The following NBPF11 variants were observed in gnomAD, a reference collection of about 807,000 sequenced individuals.
NBPF11 encodes NBPF member 11, also known as NBPF family member NBPF11.
NBPF11 carries 72 observed loss-of-function variants against 93.9 expected under a neutral mutation model. The ratio of observed to expected loss-of-function variants is 0.77; its 90% CI spans 0.63 to 0.93. The LOEUF is 0.93. NBPF11 is among the 40% of genes least tolerant of loss of function. The pLI is 0.00. For missense variants in NBPF11, 705 were observed against 802.2 expected (o/e 0.88, Z 1.46); for synonymous variants, 224 against 304.9 (o/e 0.73, Z 2.76).
intron 20 of NBPF11, among the ~76,000 whole-genome samples, 195 bp downstream of exon 20, chr1:148,106,747 G>A (rs1275702065): frequency 6.7e-6 from 1 of 148,634 alleles, no homozygotes; most frequent in Non-Finnish European, 1.5e-5. Flanking sequence ...ACTAGGAATA[G>A]AGCCTTGCTC....
chr1:148,145,141 A>AAG (rs1415384017), intron 1 of NBPF11, among the ~76,000 whole-genome samples: 2,552 of 144,746 alleles, frequency 0.018, 58 homozygotes, highest in African/African-American at 0.067. Flanking sequence ...AATTGCTATA[A>AAG]GGTTAATATA....
intron 23 of NBPF11, among the ~76,000 whole-genome samples, 160 bp downstream of exon 23, chr1:148,104,377 G>A: frequency 6.8e-6 from 1 of 147,096 alleles, no homozygotes; most frequent in African/African-American, 2.6e-5. Flanking sequence ...AGGAAGAAAT[G>A]GAAACCTAAA....
rs1192828120 is a variant in NBPF11, at chr1:148,138,275, C to G, written c.-276-466G>C. Among the ~76,000 whole-genome samples, 172 of 150,870 alleles carry G rather than the reference C, an allele frequency of 1.1e-3. 1 individual carries two copies. The highest frequency in any genetic ancestry group is 2.0e-3 in the Non-Finnish European group (138 of 67,842). ...TGGAATATACAATCGGGCTTTACAC[C>G]GAGACATTCCATTGCCCAGGGATGA... On this transcript the variant is annotated intron_variant, in intron 2 of 23. Coordinates refer to ENST00000682118, the MANE Select transcript of NBPF11 (RefSeq NM_001385469.3).
chr1:148,131,317 C>T (rs1397728805), intron 4 of NBPF11, among the ~76,000 whole-genome samples: 24 of 151,722 alleles, frequency 1.6e-4, no homozygotes, highest in South Asian at 8.3e-4. Context: ...ACGAGTTTTA[C>T]TGGGGGTCTG....
chr1:148,140,020 T>C (rs1671924419), intron 2 of NBPF11, among the ~76,000 whole-genome samples: 1 of 151,490 alleles, frequency 6.6e-6, no homozygotes, highest in African/African-American at 2.4e-5. Context: ...ACTACCAACT[T>C]CAGGACTTAC....
In NBPF11 at chr1:148,103,751, A is replaced by G. The variant is rs1232138419; in HGVS notation, c.*145T>C. 9.3e-6 allele frequency: 15 copies of G among 1,611,830 alleles called. No individual in the cohort carries two copies. The South Asian group carries it at 1.6e-4, about 18-fold the overall frequency. The stretch of plus-strand genomic sequence containing the variant: ...AGTAAAAAACCTATTGTCCATGTCA[A>G]GGGCAAAGCTGATGTGCTGTTCCTC... On this transcript the variant is annotated 3_prime_UTR_variant, in exon 24 of 24. Transcript: ENST00000682118.
intron 4 of NBPF11, among the ~76,000 whole-genome samples, chr1:148,134,739 G>C (rs1670987599): frequency 6.6e-6 from 1 of 151,866 alleles, no homozygotes; most frequent in African/African-American, 2.4e-5. Context: ...CATTGGGGCT[G>C]GTACAGCCTC....
At chr1:148,149,915 C>T (rs1307724198) in intron 1 of NBPF11, among the ~76,000 whole-genome samples, 1 of 151,732 alleles carries the variant, frequency 6.6e-6, no homozygotes, top group Admixed American at 6.6e-5. Flanking sequence ...TGCACCTCTA[C>T]GAGAATAACA....
chr1:148,113,270 G>C (rs1665741169), intron 15 of NBPF11, among the ~76,000 whole-genome samples: 1 of 151,912 alleles, frequency 6.6e-6, no homozygotes. Context: ...AAGGGATGGA[G>C]GAAGATCTAC....
intron 13 of NBPF11, among the ~76,000 whole-genome samples, 179 bp downstream of exon 13, chr1:148,116,284 G>A (rs1264777720): frequency 5.9e-5 from 9 of 151,992 alleles, no homozygotes; most frequent in Admixed American, 3.3e-4. Flanking sequence ...CATGACACTC[G>A]GCACACATAG....
intron 15 of NBPF11, among the ~76,000 whole-genome samples, chr1:148,111,924 A>G (rs1383229660): frequency 6.6e-6 from 1 of 150,782 alleles, no homozygotes; most frequent in East Asian, 1.9e-4. Context: ...ACTCCTCGAG[A>G]AGAGCAACCC....
Position 148,109,176 on chromosome 1 carries a change from C to T in NBPF11, c.1853+108G>A, listed in dbSNP as rs587743782. The stretch of plus-strand genomic sequence containing the variant: ...AACAATGCAGTAGGCATAATTCAGA[C>T]TTGTCTGACAAGACAAAATCATGAT... On this transcript the variant is annotated intron_variant, in intron 17 of 23. Coordinates refer to ENST00000682118, the MANE Select transcript of NBPF11 (RefSeq NM_001385469.3). 6.0e-5 allele frequency: 54 copies of T among 893,538 alleles called. 1 individual carries two copies. The African/African-American group carries it at 8.3e-4, about 14-fold the overall frequency. The allele number at this position is 893,538 out of a possible 1,614,324, so 55.4% of individuals were successfully genotyped here.
At position 148,149,542 on chromosome 1, in the gene NBPF11, G is replaced by A; in HGVS notation, c.-549+2208C>T. The A allele has an allele frequency of 1.0e-5, 16 of 1,594,114 alleles. 1 individual carries two copies. Among genetic ancestry groups the A allele is most frequent in the African/African-American group, 6.7e-5 (5 of 74,306 alleles). Reference sequence around the variant, plus strand: ...AGCGCCTGCGTCGCTTCATCTCCCAGGAGCTGCCCAGCCAGCGCGCCTAGC... The same window carrying A: ...AGCGCCTGCGTCGCTTCATCTCCCAAGAGCTGCCCAGCCAGCGCGCCTAGC... On this transcript the variant is annotated intron_variant, in intron 1 of 23. Transcript: ENST00000682118.
intron 4 of NBPF11, among the ~76,000 whole-genome samples, chr1:148,134,893 C>T (rs1160515220): frequency 2.6e-5 from 4 of 151,972 alleles, no homozygotes; most frequent in Non-Finnish European, 5.9e-5. Flanking sequence ...GCTCATTTGT[C>T]CAGACAGAGC....
At chr1:148,122,365 T>C in intron 8 of NBPF11, 99 bp from the exon 9 acceptor site, 1 of 1,582,530 alleles carries the variant, frequency 6.3e-7, no homozygotes. Flanking sequence ...ATTAAGAGAG[T>C]GGTCCCAGAA....
In NBPF11 at chr1:148,111,844, G is replaced by C. The variant is rs1362235971; in HGVS notation, c.1638-1303C>G. ...AAACATTCTTCAGGATATTATCCAGGAGGACTTCCCCAACCTAGCAAGGAA... is the reference window on the plus strand; with the variant it reads ...AAACATTCTTCAGGATATTATCCAGCAGGACTTCCCCAACCTAGCAAGGAA... On this transcript the variant is annotated intron_variant, in intron 15 of 23. Transcript: ENST00000682118. 3.2e-4 allele frequency among the ~76,000 whole-genome samples: 48 copies of C among 151,166 alleles called. No individual in the cohort carries two copies. In the South Asian group the frequency reaches 0.01, roughly 32 times the overall value.
At chr1:148,150,936 C>T (rs1648148404) in intron 1 of NBPF11, among the ~76,000 whole-genome samples, 1 of 151,780 alleles carries the variant, frequency 6.6e-6, no homozygotes, top group African/African-American at 2.4e-5. Flanking sequence ...ACTGTGTTAG[C>T]CAGGATGGTC....
At chr1:148,104,039 A>G in intron 23 of NBPF11, 127 bp from the exon 24 acceptor site, 12 of 1,588,474 alleles carry the variant, frequency 7.6e-6, no homozygotes, top group Non-Finnish European at 1.0e-5. Context: ...TAATGAGGTA[A>G]CAAATTATTG....
intron 14 of NBPF11, among the ~76,000 whole-genome samples, chr1:148,114,872 G>T (rs1379937412): frequency 6.6e-6 from 1 of 151,484 alleles, no homozygotes; most frequent in African/African-American, 2.4e-5. Flanking sequence ...CATGAAACAC[G>T]ACTGATAGAT....
Sources: allele counts gnomAD v4.1 joint callset (sites outside exome capture counted in the v4.1 genomes callset), GRCh38; gene constraint gnomAD v4.1.1; transcripts MANE v1.5; gene names NCBI Gene and HGNC (gene_info 2026-07-23, HGNC 2026-07-21).